DPYSL2: variants seen among roughly 807,000 people sequenced by gnomAD.
DPYSL2 encodes the protein dihydropyrimidinase-related protein 2.
DPYSL2 carries 13 observed loss-of-function variants against 69.9 expected under a neutral mutation model. That is an observed-to-expected ratio of 0.19 (90% CI 0.12 to 0.30). DPYSL2 has a LOEUF of 0.30. DPYSL2 is among the 10% of genes least tolerant of loss of function. The pLI is 1.00. For missense variants in DPYSL2, 587 were observed against 918.9 expected (o/e 0.64, Z 4.67); for synonymous variants, 326 against 359.1 (o/e 0.91, Z 1.04).
chr8:26,580,565 CAATA>C lies in DPYSL2; in HGVS notation c.355-1399_355-1396del, dbSNP rs1186528980. On this transcript the variant is annotated intron_variant, in intron 1 of 13. Transcript: ENST00000521913. This position sits in a 1 kb window ranked among gnomAD's most constrained non-coding sequence, Gnocchi z 4.1. ...ATTGGTTTTCAGTATGTTAGAGAGA[CAATA>C]AATACTTTCTGAACCAAGGTGTGTG... Among the ~76,000 whole-genome samples the C allele has an allele frequency of 1.3e-5, 2 of 152,202 alleles. No homozygotes were observed. Among genetic ancestry groups the C allele is most frequent in the Non-Finnish European group, 2.9e-5 (2 of 68,030 alleles).
chr8:26,596,099 G>A (rs1801856725), intron 3 of DPYSL2, among the ~76,000 whole-genome samples: 1 of 152,138 alleles, frequency 6.6e-6, no homozygotes, highest in African/African-American at 2.4e-5. Flanking sequence ...TGTCCCTGAG[G>A]CCTTGACAGA....
At chr8:26,602,911 A>C (rs1304274188) in intron 3 of DPYSL2, among the ~76,000 whole-genome samples, 1 of 152,228 alleles carries the variant, frequency 6.6e-6, no homozygotes, top group African/African-American at 2.4e-5. Context: ...AATAGGTCCT[A>C]TGTGAGCTGA....
At chr8:26,532,373 T>C (rs1800522953) in intron 1 of DPYSL2, among the ~76,000 whole-genome samples, 1 of 152,218 alleles carries the variant, frequency 6.6e-6, no homozygotes, top group Admixed American at 6.5e-5. Flanking sequence ...GTATTTACTA[T>C]TGAAATATTT....
chr8:26,514,369 A>G lies in DPYSL2; in HGVS notation c.44A>G (p.Glu15Gly), dbSNP rs1313080970. Residue 15 changes from glutamate to glycine, a missense_variant, in exon 1 of 14, where the codon GAG becomes GGG. Around this residue, in one of 3 missense-constraint regions of DPYSL2, gnomAD observed 50 missense variants for 86.8 expected, o/e 0.58. Transcript: ENST00000521913. The surrounding 1 kb of genome is among the most constrained non-coding windows in gnomAD (Gnocchi z 8.4). Reference protein sequence around the residue: ...KQSGKAAEDEEVPAFFKNLGS... With the variant: ...KQSGKAAEDEGVPAFFKNLGS... ...TCCGGGAAGGCGGCAGAGGACGAAG[A>G]GGTCCCTGCTTTTTTTAAAAACCTG... 5 of 1,506,140 alleles carry G rather than the reference A, an allele frequency of 3.3e-6. No individual in the cohort carries two copies. Among genetic ancestry groups the G allele is most frequent in the Non-Finnish European group, 4.4e-6 (5 of 1,133,516 alleles). 93.3% of individuals were successfully genotyped at this position (1,506,140 alleles called of 1,614,324 possible).
chr8:26,594,627 A>G (rs2129787280), intron 3 of DPYSL2, among the ~76,000 whole-genome samples: 1 of 152,246 alleles, frequency 6.6e-6, no homozygotes, highest in South Asian at 2.1e-4. Context: ...TGTTTTACTT[A>G]TCCTAATCTA....
intron 1 of DPYSL2, among the ~76,000 whole-genome samples, chr8:26,545,322 C>T (rs35287227): frequency 0.083 from 12,568 of 152,110 alleles, 721 homozygotes; most frequent in Non-Finnish European, 0.12. Context: ...CTTTTTCAAC[C>T]ACAATGAAAT....
At chr8:26,602,217 T>G (rs73565425) in intron 3 of DPYSL2, among the ~76,000 whole-genome samples, 3,166 of 151,600 alleles carry the variant, frequency 0.021, 114 homozygotes, top group African/African-American at 0.074. Flanking sequence ...TTATTAAGAC[T>G]TTTTTGGGTC....
chr8:26,594,320 C>T (rs1259630286), intron 3 of DPYSL2, among the ~76,000 whole-genome samples: 1 of 151,908 alleles, frequency 6.6e-6, no homozygotes, highest in African/African-American at 2.4e-5. Flanking sequence ...TGTCTGTATC[C>T]ATCTTTATCT....
At chr8:26,566,792 G>A (rs1281132246) in intron 1 of DPYSL2, among the ~76,000 whole-genome samples, 1 of 152,112 alleles carries the variant, frequency 6.6e-6, no homozygotes, top group East Asian at 1.9e-4. Context: ...TGTTTGGGCT[G>A]TATTTTATAA....
intron 1 of DPYSL2, among the ~76,000 whole-genome samples, chr8:26,539,265 C>T (rs575689224): frequency 6.6e-6 from 1 of 152,350 alleles, no homozygotes; most frequent in Non-Finnish European, 1.5e-5. Flanking sequence ...ACCCTTCTCT[C>T]TGCATGGTTC....
At chr8:26,536,179 ATCC>A (rs1210273418) in intron 1 of DPYSL2, among the ~76,000 whole-genome samples, 1 of 150,388 alleles carries the variant, frequency 6.6e-6, no homozygotes, top group Non-Finnish European at 1.5e-5. Context: ...GGCTCAAGTA[ATCC>A]TCCTGCCTCG....
intron 3 of DPYSL2, among the ~76,000 whole-genome samples, chr8:26,608,937 G>A (rs1802166782): frequency 3.3e-5 from 5 of 152,234 alleles, no homozygotes; most frequent in Middle Eastern, 3.4e-3. Flanking sequence ...TGCAACCTTG[G>A]AATAAACAGA....
intron 3 of DPYSL2, among the ~76,000 whole-genome samples, chr8:26,596,016 G>A (rs1396890311): frequency 1.3e-5 from 2 of 151,958 alleles, no homozygotes; most frequent in African/African-American, 4.8e-5. Context: ...ATTAGCTGCA[G>A]AAATCACAGG....
In DPYSL2 at chr8:26,593,879, G is replaced by A. The variant is rs1801798832; in HGVS notation, c.628+9896G>A. Reference sequence around the variant, plus strand: ...TGACCTAATCACTCTCTAATGATAGGTCAGGACTGGAATCTTTCCTTGTGG... The same window carrying A: ...TGACCTAATCACTCTCTAATGATAGATCAGGACTGGAATCTTTCCTTGTGG... On this transcript the variant is annotated intron_variant, in intron 3 of 13. Coordinates refer to ENST00000521913, the MANE Select transcript of DPYSL2 (RefSeq NM_001197293.3). This position sits in a 1 kb window ranked among gnomAD's most constrained non-coding sequence, Gnocchi z 5.7. 1.3e-5 allele frequency among the ~76,000 whole-genome samples: 2 copies of A among 152,144 alleles called. No homozygotes were observed. The highest frequency in any genetic ancestry group is 4.8e-5 in the African/African-American group (2 of 41,424).
chr8:26,607,274 C>G (rs1802127245), intron 3 of DPYSL2, among the ~76,000 whole-genome samples: 1 of 151,298 alleles, frequency 6.6e-6, no homozygotes, highest in Admixed American at 6.6e-5. Context: ...TGCCTGACAT[C>G]AGGAGTTCGA....
chr8:26,531,399 T>G (rs958490108), intron 1 of DPYSL2, among the ~76,000 whole-genome samples: 9 of 151,976 alleles, frequency 5.9e-5, no homozygotes, highest in South Asian at 4.2e-4. Flanking sequence ...GGAAGTGAGC[T>G]CAGAAGAGAT....
intron 3 of DPYSL2, among the ~76,000 whole-genome samples, chr8:26,600,111 C>T (rs545217922): frequency 6.6e-6 from 1 of 152,322 alleles, no homozygotes; most frequent in Admixed American, 6.5e-5. Context: ...TTTTTATGGT[C>T]GAATAATATT....
At chr8:26,557,623 C>G (rs146973837) in intron 1 of DPYSL2, among the ~76,000 whole-genome samples, 1 of 74,320 alleles carries the variant, frequency 1.3e-5, no homozygotes, top group African/African-American at 5.6e-5. Context: ...ACTAAAAATA[C>G]AAAAAAAAAA....
intron 3 of DPYSL2, among the ~76,000 whole-genome samples, chr8:26,600,556 C>T (rs1342634969): frequency 6.6e-6 from 1 of 152,180 alleles, no homozygotes; most frequent in African/African-American, 2.4e-5. Flanking sequence ...CCCGTGTACT[C>T]ATTCACTGAC....
Sources: allele counts gnomAD v4.1 joint callset (sites outside exome capture counted in the v4.1 genomes callset), GRCh38; gene constraint gnomAD v4.1.1; regional missense constraint gnomAD v4.1.1; non-coding constraint Gnocchi (gnomAD v3.1); transcripts MANE v1.5; gene names NCBI Gene and HGNC (gene_info 2026-07-23, HGNC 2026-07-21).